The following MAST4 variants were observed in gnomAD, a reference collection of about 807,000 sequenced individuals.
MAST4 encodes microtubule-associated serine/threonine-protein kinase 4.
Under a neutral mutation model 162.7 loss-of-function variants are expected in MAST4, and 89 were observed. That is an observed-to-expected ratio of 0.55 (90% CI 0.46 to 0.65). The LOEUF is 0.65. MAST4 is among the 30% of genes least tolerant of loss of function. The pLI is 0.00. For missense variants in MAST4, 3,153 were observed against 3,374.0 expected (o/e 0.93, Z 1.62); for synonymous variants, 1,479 against 1,361.1 (o/e 1.09, Z -1.91).
intron 3 of MAST4, among the ~76,000 whole-genome samples, chr5:66,826,929 G>A (rs929970230): frequency 1.3e-5 from 2 of 152,158 alleles, no homozygotes; most frequent in African/African-American, 2.4e-5. Context: ...TCTCTCAGGA[G>A]GGTGACTTGA....
intron 1 of MAST4, among the ~76,000 whole-genome samples, chr5:66,625,846 T>G (rs1325823334): frequency 6.6e-6 from 1 of 152,196 alleles, no homozygotes; most frequent in African/African-American, 2.4e-5. Context: ...CTCATGTTCT[T>G]AGCATTATTC....
At chr5:66,966,474 G>A (rs1052833103) in intron 4 of MAST4, among the ~76,000 whole-genome samples, 8 of 152,238 alleles carry the variant, frequency 5.3e-5, no homozygotes, top group Non-Finnish European at 8.8e-5. Context: ...ACTCATAGAT[G>A]AAGGGTTTGC....
chr5:66,699,132 A>C (rs1580229676), intron 1 of MAST4, among the ~76,000 whole-genome samples: 1 of 152,106 alleles, frequency 6.6e-6, no homozygotes, highest in South Asian at 2.1e-4. Context: ...CCTCCGGCAC[A>C]ATCTCCCCCA....
At chr5:66,620,940 A>C (rs950832915) in intron 1 of MAST4, among the ~76,000 whole-genome samples, 2 of 152,132 alleles carry the variant, frequency 1.3e-5, no homozygotes, top group East Asian at 1.9e-4. Flanking sequence ...TGTCCCCCCT[A>C]ATTCAGAGAA....
At position 67,145,317 on chromosome 5, in the gene MAST4, G is replaced by A. The variant is rs1364170569; in HGVS notation, c.3032G>A (p.Cys1011Tyr). The change falls in exon 23 of 29, where the codon TGT (cysteine) becomes TAT (tyrosine). Residue 1011 changes from cysteine (C) to tyrosine (Y), a missense_variant. By Grantham distance (194) the Cys-to-Tyr change is radical. Coordinates refer to ENST00000403625, the MANE Select transcript of MAST4 (RefSeq NM_001164664.2). ...PGKPALPPEE[C>Y]AQEEPEVTTP... is the part of the protein sequence containing the mutation. ...AAGCCAGCCCTTCCTCCTGAAGAGT[G>A]TGCCCAGGAGGAGCCTGAGGTCACC... is the stretch of plus-strand genomic sequence containing the variant. The A allele has an allele frequency of 1.9e-6, 3 of 1,613,728 alleles. No individual in the cohort carries two copies. The highest frequency in any genetic ancestry group is 2.5e-6 in the Non-Finnish European group (3 of 1,179,874).
chr5:66,662,434 C>T (rs1434642109), intron 1 of MAST4: 1 of 152,152 alleles, frequency 6.6e-6, no homozygotes, highest in African/African-American at 2.4e-5. Flanking sequence ...TTTCACATTT[C>T]CATCATGTAA....
intron 4 of MAST4, among the ~76,000 whole-genome samples, chr5:66,995,819 T>C (rs2150296965): frequency 6.6e-6 from 1 of 151,812 alleles, no homozygotes; most frequent in Middle Eastern, 3.4e-3. Context: ...GAGGTTGCAG[T>C]GAGCCATGAT....
At chr5:67,131,141 A>G (rs1768919068) in intron 15 of MAST4, among the ~76,000 whole-genome samples, 1 of 152,188 alleles carries the variant, frequency 6.6e-6, no homozygotes, top group South Asian at 2.1e-4. Context: ...ATAAAGTCCA[A>G]GAAAGGAAGA....
At chr5:66,965,147 T>C (rs1243270777) in intron 4 of MAST4, among the ~76,000 whole-genome samples, 1 of 151,964 alleles carries the variant, frequency 6.6e-6, no homozygotes, top group African/African-American at 2.4e-5. Context: ...CATGAGAGTT[T>C]TGTGTAATAG....
intron 1 of MAST4, among the ~76,000 whole-genome samples, chr5:66,707,588 T>G (rs764467888): frequency 4.6e-5 from 7 of 152,182 alleles, no homozygotes; most frequent in Non-Finnish European, 7.4e-5. Context: ...TCCCTCTTTA[T>G]CTTCCATGCC....
intron 3 of MAST4, among the ~76,000 whole-genome samples, chr5:66,895,674 A>T (rs1018435543): frequency 6.6e-6 from 1 of 152,134 alleles, no homozygotes; most frequent in Non-Finnish European, 1.5e-5. Flanking sequence ...TCCTAGCTAG[A>T]ATCTCTCTCA....
chr5:67,000,842 G>A (rs140817572), intron 4 of MAST4, among the ~76,000 whole-genome samples: 277 of 152,200 alleles, frequency 1.8e-3, no homozygotes, highest in African/African-American at 6.2e-3. Context: ...TATGTAGAAG[G>A]GGAGGTAATA....
At chr5:66,948,149 G>C (rs978972297) in intron 4 of MAST4, among the ~76,000 whole-genome samples, 1 of 152,130 alleles carries the variant, frequency 6.6e-6, no homozygotes. Flanking sequence ...GAGGGACTAA[G>C]TTCCCAAGTT....
intron 4 of MAST4, among the ~76,000 whole-genome samples, chr5:66,949,414 T>A (rs1399982965): frequency 6.6e-6 from 1 of 152,162 alleles, no homozygotes; most frequent in African/African-American, 2.4e-5. Flanking sequence ...GATCTGATGG[T>A]TTTATTATAT....
intron 1 of MAST4, among the ~76,000 whole-genome samples, chr5:66,666,048 T>C (rs1747236361): frequency 6.6e-6 from 1 of 152,184 alleles, no homozygotes; most frequent in Admixed American, 6.5e-5. Context: ...GTTTAATTGG[T>C]TTAGGTCAGA....
At chr5:66,911,429 C>A (rs534070306) in intron 4 of MAST4, among the ~76,000 whole-genome samples, 5 of 152,060 alleles carry the variant, frequency 3.3e-5, no homozygotes, top group Admixed American at 6.5e-5. Flanking sequence ...AGGCTGGATG[C>A]AGTTGCTTAC....
intron 4 of MAST4, among the ~76,000 whole-genome samples, chr5:66,925,909 A>AG (rs1304340376): frequency 2.0e-5 from 3 of 152,048 alleles, no homozygotes; most frequent in Non-Finnish European, 2.9e-5. Flanking sequence ...GTGAATGTTG[A>AG]GTCCTCCATT....
At chr5:66,690,096 A>C (rs1748941302) in intron 1 of MAST4, among the ~76,000 whole-genome samples, 1 of 152,160 alleles carries the variant, frequency 6.6e-6, no homozygotes, top group African/African-American at 2.4e-5. Context: ...TGGCTTAGGG[A>C]AACTCCACTC....
intron 4 of MAST4, among the ~76,000 whole-genome samples, chr5:67,049,064 T>TAC (rs1380652378): frequency 1.5e-5 from 2 of 130,716 alleles, no homozygotes; most frequent in African/African-American, 3.5e-5. Context: ...TATATACGTA[T>TAC]ATATATATAT....
Sources: allele counts gnomAD v4.1 joint callset (sites outside exome capture counted in the v4.1 genomes callset), GRCh38; gene constraint gnomAD v4.1.1; transcripts MANE v1.5; gene names NCBI Gene and HGNC (gene_info 2026-07-23, HGNC 2026-07-21).